Variants in XIRP2 observed in about 807,000 individuals in gnomAD.
The protein encoded by XIRP2 is xin actin binding repeat containing 2.
Under a neutral mutation model 277.0 loss-of-function variants are expected in XIRP2, and 236 were observed. That is an observed-to-expected ratio of 0.85 (90% CI 0.77 to 0.95). The LOEUF is 0.95. Ranked by LOEUF, XIRP2 falls within the 40% of genes least tolerant of loss-of-function variation. XIRP2 has a pLI of 0.00. For synonymous variants in XIRP2, 1,490 were observed against 1,416.5 expected (o/e 1.05, Z -1.17); for missense variants, 4,640 against 4,157.5 (o/e 1.12, Z -3.19).
intron 3 of XIRP2, among the ~76,000 whole-genome samples, chr2:167,208,330 G>A (rs758682782): frequency 1.6e-4 from 24 of 151,982 alleles, no homozygotes; most frequent in Admixed American, 3.9e-4. Flanking sequence ...AGACGGAGAC[G>A]GAGTCTCGCT....
At chr2:166,906,744 G>A (rs756132787) in intron 2 of XIRP2, among the ~76,000 whole-genome samples, 1 of 151,970 alleles carries the variant, frequency 6.6e-6, no homozygotes, top group Non-Finnish European at 1.5e-5. Context: ...ATCACTTGTT[G>A]CCAGGGGTTC....
At chr2:167,179,811 G>T (rs1343660394) in intron 3 of XIRP2, among the ~76,000 whole-genome samples, 17 of 151,506 alleles carry the variant, frequency 1.1e-4, no homozygotes, top group Non-Finnish European at 7.4e-5. Context: ...GCCTAAATTT[G>T]TGTGTGTGTG....
chr2:166,964,488 C>T (rs77442026), intron 2 of XIRP2, among the ~76,000 whole-genome samples: 399 of 151,636 alleles, frequency 2.6e-3, no homozygotes, highest in Non-Finnish European at 4.3e-3. Context: ...GTTTCATTAC[C>T]GCAAATAGGA....
intron 2 of XIRP2, among the ~76,000 whole-genome samples, chr2:167,019,941 A>G (rs1366941811): frequency 2.0e-5 from 3 of 152,042 alleles, no homozygotes; most frequent in Non-Finnish European, 4.4e-5. Context: ...ATTCTTTAAA[A>G]GCTTATATTT....
At chr2:167,228,637 C>T (rs1694674847) in intron 5 of XIRP2, among the ~76,000 whole-genome samples, 1 of 152,084 alleles carries the variant, frequency 6.6e-6, no homozygotes, top group Admixed American at 6.6e-5. Context: ...GTGCCCTGGC[C>T]GTTTTTCTCA....
intron 2 of XIRP2, among the ~76,000 whole-genome samples, chr2:166,947,355 A>G (rs1460453804): frequency 1.3e-5 from 2 of 152,148 alleles, no homozygotes; most frequent in African/African-American, 2.4e-5. Context: ...GTGGAAATCA[A>G]TTCTTTAGGG....
chr2:167,038,026 G>C (rs1688562508), intron 2 of XIRP2, among the ~76,000 whole-genome samples: 1 of 151,892 alleles, frequency 6.6e-6, no homozygotes, highest in African/African-American at 2.4e-5. Flanking sequence ...TGCAGCATTA[G>C]GAAAAAACAA....
chr2:167,245,974 C>T lies in XIRP2; in HGVS notation c.4582C>T (p.Leu1528Phe), dbSNP rs371161496. The T allele has an allele frequency of 1.2e-6, 2 of 1,613,346 alleles. No individual in the cohort carries two copies. Among genetic ancestry groups the T allele is most frequent in the African/African-American group, 1.3e-5 (1 of 74,826 alleles). The change falls in exon 9 of 11, where the codon CTC becomes TTC. Residue 1528 changes from leucine (L) to phenylalanine (F), a missense_variant. Leu to Phe is a conservative substitution (Grantham distance 22, BLOSUM62 0). Coordinates refer to ENST00000409195, the MANE Select transcript of XIRP2 (RefSeq NM_152381.6). ...PPSDVKTTTW[L>F]FETTPLHEFN... ...TTCTGATGTCAAAACAACCACATGG[C>T]TCTTTGAAACAACACCACTTCATGA...
At chr2:166,951,382 A>C (rs1686028852) in intron 2 of XIRP2, among the ~76,000 whole-genome samples, 1 of 151,856 alleles carries the variant, frequency 6.6e-6, no homozygotes, top group Non-Finnish European at 1.5e-5. Flanking sequence ...GTCACATGGC[A>C]AGAGCAGGAG....
chr2:166,964,938 C>A (rs1055917698), intron 2 of XIRP2, among the ~76,000 whole-genome samples: 1 of 151,886 alleles, frequency 6.6e-6, no homozygotes, highest in Middle Eastern at 3.4e-3. Context: ...ACTATATATT[C>A]ATCACAGGTC....
At chr2:167,087,476 C>T (rs1000859644) in intron 2 of XIRP2, among the ~76,000 whole-genome samples, 14 of 152,152 alleles carry the variant, frequency 9.2e-5, no homozygotes, top group Non-Finnish European at 5.9e-5. Flanking sequence ...CCACCCAGTT[C>T]GAGCTTCCCG....
At chr2:167,225,671 A>G (rs890215628) in intron 5 of XIRP2, among the ~76,000 whole-genome samples, 7 of 152,176 alleles carry the variant, frequency 4.6e-5, no homozygotes, top group African/African-American at 1.7e-4. Flanking sequence ...CTTGATCTCA[A>G]GAAAACAAAG....
chr2:166,976,508 C>T (rs1021800003), intron 2 of XIRP2, among the ~76,000 whole-genome samples: 5 of 152,148 alleles, frequency 3.3e-5, no homozygotes, highest in African/African-American at 1.2e-4. Context: ...GGAGTAGTCA[C>T]AAAATGCAAC....
chr2:166,892,808 G>GTT (rs1553467790), intron 1 of XIRP2, among the ~76,000 whole-genome samples: 7 of 143,238 alleles, frequency 4.9e-5, no homozygotes, highest in South Asian at 4.4e-4. Context: ...TTTCATAGAA[G>GTT]ATATATATAT....
At chr2:167,002,743 C>A (rs189801521) in intron 2 of XIRP2, among the ~76,000 whole-genome samples, 41 of 151,752 alleles carry the variant, frequency 2.7e-4, no homozygotes, top group African/African-American at 9.2e-4. Flanking sequence ...AGTTTAATGT[C>A]TTAAACATAG....
chr2:167,035,037 G>A (rs770694139), intron 2 of XIRP2, among the ~76,000 whole-genome samples: 1 of 152,166 alleles, frequency 6.6e-6, no homozygotes, highest in Non-Finnish European at 1.5e-5. Context: ...CCACCACCAT[G>A]CAAGAAGTGT....
chr2:167,110,713 T>C (rs1690727869), intron 2 of XIRP2, among the ~76,000 whole-genome samples: 2 of 152,204 alleles, frequency 1.3e-5, no homozygotes, highest in African/African-American at 4.8e-5. Context: ...GTGAAGAATG[T>C]GTTTGGCAGT....
chr2:166,995,119 A>G (rs1687181655), intron 2 of XIRP2, among the ~76,000 whole-genome samples: 2 of 152,052 alleles, frequency 1.3e-5, no homozygotes, highest in African/African-American at 4.8e-5. Context: ...TGACCTCGTG[A>G]TCCCCCCACC....
chr2:166,965,388 TG>T (rs1558932259), intron 2 of XIRP2, among the ~76,000 whole-genome samples: 1 of 151,774 alleles, frequency 6.6e-6, no homozygotes, highest in Non-Finnish European at 1.5e-5. Context: ...TAGAAGGAAA[TG>T]CTTAAAGAAC....
Sources: gnomAD v4.1 joint callset for allele counts (sites outside exome capture counted in the v4.1 genomes callset) on GRCh38, gnomAD v4.1.1 for gene constraint, MANE v1.5 for transcripts, NCBI Gene and HGNC (gene_info 2026-07-23, HGNC 2026-07-21) for gene names.